The following FBN1 variants were observed in gnomAD, a reference collection of about 807,000 sequenced individuals.
The protein encoded by FBN1 is fibrillin 1.
Under a neutral mutation model 365.1 loss-of-function variants are expected in FBN1, and 29 were observed. The observed-to-expected ratio is 0.08, with a 90% CI of 0.06 to 0.11. The LOEUF is 0.11. Ranked by LOEUF, FBN1 falls within the 10% of genes least tolerant of loss-of-function variation. The pLI is 1.00. For synonymous variants in FBN1, 1,210 were observed against 1,270.5 expected, an observed-to-expected ratio of 0.95 and a Z score of 1.01; for missense variants, 2,476 against 3,703.2, an observed-to-expected ratio of 0.67 and a Z score of 8.60.
intron 36 of FBN1, among the ~76,000 whole-genome samples, chr15:48,468,806 C>T (rs909887428): frequency 9.3e-5 from 14 of 149,844 alleles, no homozygotes; most frequent in Admixed American, 5.3e-4. Context: ...CGGTGGCTCA[C>T]GCCTGTAATC....
intron 4 of FBN1, among the ~76,000 whole-genome samples, chr15:48,607,249 G>C (rs1365942435): frequency 6.6e-6 from 1 of 150,560 alleles, no homozygotes; most frequent in Non-Finnish European, 1.5e-5. Context: ...TAAACTGTAG[G>C]AATTACAAAA....
chr15:48,456,839 C>CGTGAGTGTGTGTGT, intron 43 of FBN1, 77 bp from the exon 44 acceptor site: 5 of 999,586 alleles, frequency 5.0e-6, no homozygotes, highest in Non-Finnish European at 4.2e-6. Context: ...ATGGAAAGTG[C>CGTGAGTGTGTGTGT]GTGCGTGTGT....
chr15:48,621,277 G>C (rs967624561), intron 2 of FBN1, among the ~76,000 whole-genome samples: 1 of 152,170 alleles, frequency 6.6e-6, no homozygotes, highest in African/African-American at 2.4e-5. Flanking sequence ...TATAAAGGGA[G>C]GGGGAGGAAG....
Position 48,415,771 on chromosome 15 carries a change from C to T in FBN1, c.7820-4G>A, listed in dbSNP as rs750036723. On this transcript the variant is annotated splice_region_variant and splice_polypyrimidine_tract_variant and intron_variant, in intron 63 of 65. Transcript: ENST00000316623. ...GCGCTGAGGCATTCGTTTTCATCTG[C>T]AGGCAAAATAAGAAGCGGCATGTGT... 6 of 1,612,044 alleles carry T rather than the reference C, an allele frequency of 3.7e-6. No homozygotes were observed. The East Asian group carries it at 1.3e-4, about 36-fold the overall frequency.
At chr15:48,444,954 A>G (rs1201705671) in intron 48 of FBN1, among the ~76,000 whole-genome samples, 1 of 151,788 alleles carries the variant, frequency 6.6e-6, no homozygotes, top group African/African-American at 2.4e-5. Context: ...CTCAAAAGAT[A>G]TGAGAGCTTA....
intron 43 of FBN1, among the ~76,000 whole-genome samples, chr15:48,457,952 T>G (rs1050876689): frequency 4.6e-5 from 7 of 152,156 alleles, no homozygotes; most frequent in African/African-American, 1.7e-4. Context: ...GATCGTATTA[T>G]GGTGATTTCC....
intron 9 of FBN1, among the ~76,000 whole-genome samples, chr15:48,524,285 G>C (rs572417716): frequency 6.6e-6 from 1 of 152,336 alleles, no homozygotes; most frequent in Non-Finnish European, 1.5e-5. Context: ...GTGGCAGCAG[G>C]TGACAGTTGG....
intron 8 of FBN1, among the ~76,000 whole-genome samples, chr15:48,532,532 C>T (rs1279019122): frequency 1.7e-5 from 2 of 118,118 alleles, no homozygotes; most frequent in Non-Finnish European, 3.7e-5. Context: ...GTATATGGCC[C>T]GAAAATCTAT....
chr15:48,475,585 A>G (rs914233790), intron 32 of FBN1, among the ~76,000 whole-genome samples: 3 of 152,242 alleles, frequency 2.0e-5, no homozygotes, highest in Non-Finnish European at 1.5e-5. Context: ...GGTACTCTAT[A>G]TGGAAACCAA....
chr15:48,509,814 A>T (rs944751598), intron 14 of FBN1, among the ~76,000 whole-genome samples: 11 of 152,160 alleles, frequency 7.2e-5, no homozygotes, highest in African/African-American at 2.7e-4. Flanking sequence ...GTTTCATCAC[A>T]CCAGGGATCT....
At chr15:48,573,414 T>C (rs2044321204) in intron 6 of FBN1, among the ~76,000 whole-genome samples, 1 of 152,142 alleles carries the variant, frequency 6.6e-6, no homozygotes, top group Non-Finnish European at 1.5e-5. Flanking sequence ...CACAACAGAA[T>C]ATAATAAATT....
At chr15:48,573,806 G>A (rs1028496568) in intron 6 of FBN1, among the ~76,000 whole-genome samples, 2 of 152,186 alleles carry the variant, frequency 1.3e-5, no homozygotes, top group African/African-American at 4.8e-5. Flanking sequence ...AGAGACCCTG[G>A]GCAGTACCAT....
chr15:48,531,061 T>G (rs1021766599), intron 8 of FBN1, among the ~76,000 whole-genome samples: 1 of 152,164 alleles, frequency 6.6e-6, no homozygotes, highest in African/African-American at 2.4e-5. Flanking sequence ...GCATGCGTAC[T>G]CTACAGTCAT....
intron 40 of FBN1, among the ~76,000 whole-genome samples, chr15:48,465,038 G>T (rs751152555): frequency 6.6e-6 from 1 of 152,200 alleles, no homozygotes; most frequent in African/African-American, 2.4e-5. Flanking sequence ...CATGGCTCAT[G>T]GCTGAAGTGC....
At chr15:48,463,364 T>C (rs894822467) in intron 41 of FBN1, 124 bp from the exon 42 acceptor site, 4 of 991,402 alleles carry the variant, frequency 4.0e-6, no homozygotes, top group Non-Finnish European at 6.4e-6. Flanking sequence ...TTGACTTTGA[T>C]AAGGACACAA....
Position 48,518,292 on chromosome 15 carries a change from T to C in FBN1, c.1148-1930A>G, listed in dbSNP as rs559758495. 2.0e-5 allele frequency among the ~76,000 whole-genome samples: 3 copies of C among 152,310 alleles called. No homozygotes were observed. In the East Asian group the frequency reaches 5.8e-4, roughly 29 times the overall value. Reference sequence around the variant, plus strand: ...CTCACCAAATTCCCACCACTAAGACTGTGTAGTCTGTGAAGTCAGGGATCA... The same window carrying C: ...CTCACCAAATTCCCACCACTAAGACCGTGTAGTCTGTGAAGTCAGGGATCA... On this transcript the variant is annotated intron_variant, in intron 10 of 65. Transcript: ENST00000316623.
In FBN1 at chr15:48,596,263, A is replaced by C. The variant is rs758389884; in HGVS notation, c.538+20T>G. 1 of 1,609,564 alleles carries C rather than the reference A, an allele frequency of 6.2e-7. No individual in the cohort carries two copies. Among genetic ancestry groups the C allele is most frequent in the African/African-American group, 1.3e-5 (1 of 74,840 alleles). On this transcript the variant is annotated intron_variant, in intron 6 of 65. Coordinates refer to ENST00000316623, the MANE Select transcript of FBN1 (RefSeq NM_000138.5). ...TAGGTACCAGCATGTCTTTACGTAA[A>C]TGATTTTAAAAACCATTACCTCTTT...
chr15:48,445,119 TAC>T, intron 48 of FBN1, among the ~76,000 whole-genome samples: 1 of 140,628 alleles, frequency 7.1e-6, no homozygotes, highest in South Asian at 2.3e-4. Flanking sequence ...TATATATATA[TAC>T]ACATATATAT....
intron 7 of FBN1, among the ~76,000 whole-genome samples, chr15:48,536,629 G>T (rs2044015787): frequency 6.6e-6 from 1 of 152,190 alleles, no homozygotes; most frequent in African/African-American, 2.4e-5. Context: ...CTGACATTCA[G>T]AGGGATACAT....
Sources: gnomAD v4.1 joint callset for allele counts (sites outside exome capture counted in the v4.1 genomes callset) on GRCh38, gnomAD v4.1.1 for gene constraint, MANE v1.5 for transcripts, NCBI Gene and HGNC (gene_info 2026-07-23, HGNC 2026-07-21) for gene names.